The following SENP7 variants were observed in gnomAD, a reference collection of about 807,000 sequenced individuals.
SENP7 encodes sentrin-specific protease 7.
SENP7 carries 64 observed loss-of-function variants against 141.2 expected under a neutral mutation model. That is an observed-to-expected ratio of 0.45 (90% CI 0.37 to 0.56). The LOEUF is 0.56. Among genes scored for constraint, SENP7 ranks in the 20% least tolerant of loss-of-function variants. SENP7 has a pLI of 0.00. For synonymous variants in SENP7, 382 were observed against 426.4 expected (o/e 0.90, Z 1.28); for missense variants, 1,025 against 1,212.2 (o/e 0.85, Z 2.29).
chr3:101,422,157 G>A (rs1253749928), intron 4 of SENP7, among the ~76,000 whole-genome samples: 1 of 152,198 alleles, frequency 6.6e-6, no homozygotes, highest in Non-Finnish European at 1.5e-5. Context: ...ACATGCGAGG[G>A]ATCTAACTTG....
intron 12 of SENP7, among the ~76,000 whole-genome samples, chr3:101,350,215 G>A (rs1490238086): frequency 1.3e-5 from 2 of 152,130 alleles, no homozygotes; most frequent in East Asian, 1.9e-4. Flanking sequence ...ATGTGCCCCC[G>A]ATGACCAAGG....
intron 14 of SENP7, among the ~76,000 whole-genome samples, chr3:101,342,812 T>G (rs1408697769): frequency 2.0e-5 from 3 of 151,972 alleles, no homozygotes; most frequent in Non-Finnish European, 4.4e-5. Flanking sequence ...ATTACAGGAA[T>G]GCGCCACCAC....
chr3:101,356,013 T>A (rs1201488429), intron 11 of SENP7, among the ~76,000 whole-genome samples: 1 of 152,162 alleles, frequency 6.6e-6, no homozygotes, highest in African/African-American at 2.4e-5. Flanking sequence ...CTTGGCTTTG[T>A]TGCTGTTGGT....
At chr3:101,459,385 A>G (rs1436841115) in intron 3 of SENP7, among the ~76,000 whole-genome samples, 1 of 152,206 alleles carries the variant, frequency 6.6e-6, no homozygotes, top group Non-Finnish European at 1.5e-5. Context: ...AGGGCCTATG[A>G]TTCTAAAGTA....
intron 6 of SENP7, among the ~76,000 whole-genome samples, chr3:101,375,660 TG>T (rs1199117086): frequency 1.3e-5 from 2 of 152,062 alleles, no homozygotes; most frequent in African/African-American, 4.8e-5. Context: ...AACAGATTCT[TG>T]TACTCCACTG....
At position 101,361,696 on chromosome 3, in the gene SENP7, T is replaced by A; in HGVS notation, c.1623+19A>T. The A allele has an allele frequency of 6.6e-7, 1 of 1,510,770 alleles. No individual in the cohort carries two copies. The highest frequency in any genetic ancestry group is 1.4e-5 in the South Asian group (1 of 71,316). The allele number at this position is 1,510,770 out of a possible 1,614,324, so 93.6% of individuals were successfully genotyped here. On this transcript the variant is annotated intron_variant, in intron 11 of 23. Transcript: ENST00000394095. ...GTCCAAGATCCAAACTAAAAGAAAATTAAAGAAAATATACTTACTGTAACA... is the reference window on the plus strand; with the variant it reads ...GTCCAAGATCCAAACTAAAAGAAAAATAAAGAAAATATACTTACTGTAACA...
chr3:101,405,178 A>G (rs1576243149), intron 5 of SENP7, among the ~76,000 whole-genome samples: 1 of 152,184 alleles, frequency 6.6e-6, no homozygotes. Flanking sequence ...AGCAGAGTAC[A>G]CCAGCATGAC....
At chr3:101,420,962 T>A (rs890864501) in intron 4 of SENP7, among the ~76,000 whole-genome samples, 4 of 152,058 alleles carry the variant, frequency 2.6e-5, no homozygotes, top group Non-Finnish European at 5.9e-5. Context: ...ATTAGGTAGG[T>A]ACAAAAGTAA....
Position 101,364,850 on chromosome 3 carries a change from G to A in SENP7, c.1460C>T (p.Thr487Ile). The change falls in exon 10 of 24, where the codon ACA (threonine) becomes ATA (isoleucine). Residue 487 changes from threonine to isoleucine, a missense_variant. This residue lies in a region of SENP7 where 228 missense variants were observed against 228.5 expected (regional missense o/e 1.00). Transcript: ENST00000394095. Reference protein sequence around the residue: ...ESALLELPLITCESVQMSSEL... With the variant: ...ESALLELPLIICESVQMSSEL... Reference sequence around the variant, plus strand: ...ATAAATTACCTGTACAGATTCACATGTAATCAATGGTAGTTCTAACAATGC... The same window carrying A: ...ATAAATTACCTGTACAGATTCACATATAATCAATGGTAGTTCTAACAATGC... 1 of 1,594,028 alleles carries A rather than the reference G, an allele frequency of 6.3e-7. No individual in the cohort carries two copies. The highest frequency in any genetic ancestry group is 8.6e-7 in the Non-Finnish European group (1 of 1,169,322).
At chr3:101,408,328 G>T (rs1251016093) in intron 5 of SENP7, among the ~76,000 whole-genome samples, 1 of 152,058 alleles carries the variant, frequency 6.6e-6, no homozygotes, top group East Asian at 1.9e-4. Flanking sequence ...GGACCAGACG[G>T]ATTCACAGCA....
At chr3:101,332,175 G>C in intron 18 of SENP7, 66 bp from the exon 19 acceptor site, 1 of 1,442,002 alleles carries the variant, frequency 6.9e-7, no homozygotes. Flanking sequence ...ATATTCTAGA[G>C]ATACATCTGA....
intron 6 of SENP7, among the ~76,000 whole-genome samples, chr3:101,394,777 G>GAC (rs1441541631): frequency 2.0e-5 from 3 of 151,940 alleles, no homozygotes; most frequent in Non-Finnish European, 4.4e-5. Flanking sequence ...CAGTGTATGA[G>GAC]AGTTCCCTCT....
At chr3:101,497,391 TC>T (rs1386946946) in intron 2 of SENP7, among the ~76,000 whole-genome samples, 1 of 152,100 alleles carries the variant, frequency 6.6e-6, no homozygotes, top group Non-Finnish European at 1.5e-5. Flanking sequence ...TTTCTAAATA[TC>T]ATCCTTCAAT....
At chr3:101,490,129 G>A (rs1039399187) in intron 3 of SENP7, among the ~76,000 whole-genome samples, 1 of 151,230 alleles carries the variant, frequency 6.6e-6, no homozygotes, top group African/African-American at 2.4e-5. Context: ...AGGTTGTGGT[G>A]AGCCAAGATC....
chr3:101,455,489 C>T (rs2063320430), intron 4 of SENP7, among the ~76,000 whole-genome samples: 1 of 151,956 alleles, frequency 6.6e-6, no homozygotes, highest in Admixed American at 6.6e-5. Flanking sequence ...ACTCTTATGA[C>T]TGATATGCCA....
chr3:101,360,664 A>G (rs891053210), intron 11 of SENP7, among the ~76,000 whole-genome samples: 3 of 152,250 alleles, frequency 2.0e-5, no homozygotes, highest in Non-Finnish European at 4.4e-5. Flanking sequence ...AAAAGGAACT[A>G]AAACTGTGGC....
At chr3:101,363,780 T>C (rs985444856) in intron 10 of SENP7, among the ~76,000 whole-genome samples, 4 of 152,222 alleles carry the variant, frequency 2.6e-5, no homozygotes, top group Non-Finnish European at 5.9e-5. Context: ...ACTGTTTTCA[T>C]AGATCGGGCC....
At chr3:101,327,912 T>C in intron 22 of SENP7, 96 bp from the exon 23 acceptor site, 1 of 1,065,580 alleles carries the variant, frequency 9.4e-7, no homozygotes, top group East Asian at 2.8e-5. Flanking sequence ...TTGCCAGATG[T>C]GCTGTCTCAA....
intron 11 of SENP7, among the ~76,000 whole-genome samples, chr3:101,357,132 G>T (rs915297226): frequency 1.3e-5 from 2 of 151,870 alleles, no homozygotes; most frequent in African/African-American, 4.8e-5. Context: ...TCCCAAGTAG[G>T]TGGGACAACA....
Sources: allele counts gnomAD v4.1 joint callset (sites outside exome capture counted in the v4.1 genomes callset), GRCh38; gene constraint gnomAD v4.1.1; regional missense constraint gnomAD v4.1.1; transcripts MANE v1.5; gene names NCBI Gene and HGNC (gene_info 2026-07-23, HGNC 2026-07-21).